CBR4: variants seen among roughly 807,000 people sequenced by gnomAD.
CBR4 encodes carbonyl reductase 4.
CBR4 carries 22 observed loss-of-function variants against 21.0 expected under a neutral mutation model. The observed-to-expected ratio is 1.05, with a 90% CI of 0.75 to 1.50. CBR4 has a LOEUF of 1.50. Ranked by LOEUF, CBR4 falls within the 40% of genes most tolerant of loss-of-function variation. The pLI, the probability that CBR4 is intolerant of heterozygous loss-of-function variation, is 0.00. For missense variants in CBR4, 302 were observed against 286.3 expected (o/e 1.05, Z -0.40); for synonymous variants, 100 against 104.4 (o/e 0.96, Z 0.26).
chr4:169,008,397 A>T (rs1005927085), intron 1 of CBR4, among the ~76,000 whole-genome samples: 2 of 152,174 alleles, frequency 1.3e-5, no homozygotes, highest in African/African-American at 4.8e-5. Flanking sequence ...AAAAAACTAC[A>T]CTTCAAAGGA....
intron 2 of CBR4, among the ~76,000 whole-genome samples, chr4:168,960,527 G>T (rs926652008): frequency 2.1e-4 from 32 of 152,080 alleles, no homozygotes; most frequent in African/African-American, 7.2e-4. Context: ...TTCTACTATT[G>T]TATACTATCA....
intron 4 of CBR4, among the ~76,000 whole-genome samples, chr4:168,991,563 A>G (rs981481797): frequency 6.6e-6 from 1 of 152,216 alleles, no homozygotes; most frequent in Non-Finnish European, 1.5e-5. Flanking sequence ...AAAATGTTCT[A>G]AAGAATGTAT....
chr4:168,945,684 A>G (rs1763379500), intron 2 of CBR4, among the ~76,000 whole-genome samples: 2 of 152,222 alleles, frequency 1.3e-5, no homozygotes, highest in Admixed American at 1.3e-4. Flanking sequence ...TGAAAATAAT[A>G]TACTACCACA....
chr4:168,996,777 A>G (rs1182940614), intron 4 of CBR4, among the ~76,000 whole-genome samples: 1 of 152,216 alleles, frequency 6.6e-6, no homozygotes, highest in African/African-American at 2.4e-5. Flanking sequence ...TTAAATTAAA[A>G]ATGTAAAGCT....
chr4:168,948,960 T>C (rs1763467462), intron 2 of CBR4, among the ~76,000 whole-genome samples: 1 of 152,244 alleles, frequency 6.6e-6, no homozygotes, highest in Admixed American at 6.5e-5. Context: ...TTTGGCAGTA[T>C]GGTCATTTTC....
At chr4:168,991,042 G>A (rs1764897867) in intron 4 of CBR4, among the ~76,000 whole-genome samples, 1 of 151,992 alleles carries the variant, frequency 6.6e-6, no homozygotes, top group African/African-American at 2.4e-5. Context: ...CGACAAGAGT[G>A]AAACTCCATC....
intron 2 of CBR4, among the ~76,000 whole-genome samples, chr4:168,976,906 T>G (rs1764389738): frequency 6.6e-6 from 1 of 152,208 alleles, no homozygotes; most frequent in Non-Finnish European, 1.5e-5. Context: ...TACATGCAGG[T>G]CACAGGGGAT....
intron 2 of CBR4, among the ~76,000 whole-genome samples, chr4:168,922,102 T>TACACACACACAC (rs35503011): frequency 7.5e-6 from 1 of 132,604 alleles, no homozygotes; most frequent in Admixed American, 7.5e-5. Flanking sequence ...TATATATATA[T>TACACACACACAC]ACACACACAC....
At chr4:168,916,150 C>A (rs994681166) in intron 2 of CBR4, 2 of 952,024 alleles carry the variant, frequency 2.1e-6, no homozygotes, top group Non-Finnish European at 3.4e-6. Flanking sequence ...CAGTGGCTCA[C>A]ACCTATAATC....
chr4:168,961,643 A>G (rs1763857754), intron 2 of CBR4, among the ~76,000 whole-genome samples: 1 of 152,194 alleles, frequency 6.6e-6, no homozygotes, highest in South Asian at 2.1e-4. Flanking sequence ...TAATCCCAGC[A>G]CTTTGGGAGG....
intron 2 of CBR4, among the ~76,000 whole-genome samples, chr4:168,974,677 T>C (rs983558193): frequency 2.0e-5 from 3 of 152,184 alleles, no homozygotes; most frequent in Non-Finnish European, 4.4e-5. Flanking sequence ...TGTTTTCTTC[T>C]ATTTGTGCAA....
intron 2 of CBR4, among the ~76,000 whole-genome samples, chr4:168,977,781 A>G (rs1764416468): frequency 1.3e-5 from 2 of 152,232 alleles, no homozygotes; most frequent in African/African-American, 4.8e-5. Context: ...GAATGGCGCC[A>G]CCACTCATCC....
chr4:168,963,375 T>C (rs533786774), intron 2 of CBR4, among the ~76,000 whole-genome samples: 1 of 152,178 alleles, frequency 6.6e-6, no homozygotes, highest in South Asian at 2.1e-4. Context: ...TCAGAGAAGA[T>C]AACAGAACAC....
chr4:168,924,941 C>T (rs1203270376), intron 2 of CBR4: 1 of 1,614,056 alleles, frequency 6.2e-7, no homozygotes. Flanking sequence ...ATCCTTTTCT[C>T]CAGCATGCAC....
chr4:168,976,319 C>T (rs1180976337), intron 2 of CBR4, among the ~76,000 whole-genome samples: 1 of 152,200 alleles, frequency 6.6e-6, no homozygotes, highest in East Asian at 1.9e-4. Context: ...CCTCCTGCTG[C>T]TTCTTCTACT....
intron 2 of CBR4, among the ~76,000 whole-genome samples, chr4:168,922,102 T>TATACACAC (rs1459158507): frequency 2.3e-5 from 3 of 132,604 alleles, no homozygotes; most frequent in African/African-American, 6.3e-5. Context: ...TATATATATA[T>TATACACAC]ACACACACAC....
At chr4:168,949,943 G>A (rs546006945) in intron 2 of CBR4, among the ~76,000 whole-genome samples, 23 of 152,142 alleles carry the variant, frequency 1.5e-4, no homozygotes, top group South Asian at 6.2e-4. Context: ...TTGTATTTCC[G>A]TGTTGTCAGT....
chr4:168,979,335 G>T (rs1370595920), intron 2 of CBR4, among the ~76,000 whole-genome samples: 1 of 152,092 alleles, frequency 6.6e-6, no homozygotes, highest in Non-Finnish European at 1.5e-5. Context: ...GGAAAGAAGA[G>T]CTTAAGGACT....
At chr4:168,985,787 A>G (rs1353188385), downstream of CBR4, among the ~76,000 whole-genome samples, 1 of 152,222 alleles carries the variant, frequency 6.6e-6, no homozygotes, top group Non-Finnish European at 1.5e-5. Context: ...CTAATACCAC[A>G]TGCAAAAATG....
Sources: allele counts gnomAD v4.1 joint callset (sites outside exome capture counted in the v4.1 genomes callset), GRCh38; gene constraint gnomAD v4.1.1; transcripts MANE v1.5; gene names NCBI Gene and HGNC (gene_info 2026-07-23, HGNC 2026-07-21).